The following ANKRD11 variants were observed in gnomAD, a reference collection of about 807,000 sequenced individuals.
ANKRD11 encodes ankyrin repeat domain 11.
ANKRD11 carries 17 observed loss-of-function variants against 195.7 expected under a neutral mutation model. The ratio of observed to expected loss-of-function variants is 0.09; its 90% CI spans 0.06 to 0.13. ANKRD11 has a LOEUF of 0.13. ANKRD11 is among the 10% of genes least tolerant of loss of function. The probability of loss-of-function intolerance (pLI) is 1.00; values close to 1 mark genes in which losing one functional copy is unlikely to be tolerated. For synonymous variants in ANKRD11, 1,953 were observed against 1,528.1 expected, an observed-to-expected ratio of 1.28 and a Z score of -6.49; for missense variants, 3,735 against 3,566.1, an observed-to-expected ratio of 1.05 and a Z score of -1.21.
intron 4 of ANKRD11, among the ~76,000 whole-genome samples, chr16:89,298,518 G>A (rs1250518851): frequency 6.6e-6 from 1 of 152,228 alleles, no homozygotes; most frequent in African/African-American, 2.4e-5. Flanking sequence ...CATGGAGCCA[G>A]GAGGTAGCAG....
chr16:89,409,225 T>C (rs1181279039), intron 2 of ANKRD11, among the ~76,000 whole-genome samples: 1 of 152,132 alleles, frequency 6.6e-6, no homozygotes, highest in Non-Finnish European at 1.5e-5. Context: ...CCCTCAGCAA[T>C]TCCACCCGCC....
intron 11 of ANKRD11, among the ~76,000 whole-genome samples, chr16:89,273,630 G>A (rs920029077): frequency 1.3e-5 from 2 of 152,090 alleles, no homozygotes; most frequent in African/African-American, 4.8e-5. Context: ...CCGGAAGCCA[G>A]AGGTTGCAGT....
intron 1 of ANKRD11, among the ~76,000 whole-genome samples, chr16:89,444,289 C>A (rs1038007436): frequency 1.3e-5 from 2 of 152,096 alleles, no homozygotes; most frequent in Admixed American, 1.3e-4. Context: ...AATGCTCCTG[C>A]CCAAAGCCCA....
chr16:89,307,690 A>G (rs2036371802), intron 3 of ANKRD11, among the ~76,000 whole-genome samples: 1 of 152,232 alleles, frequency 6.6e-6, no homozygotes, highest in Admixed American at 6.5e-5. Context: ...CTGCAGCTCC[A>G]CTGAGCTTTT....
intron 4 of ANKRD11, among the ~76,000 whole-genome samples, chr16:89,304,355 T>C (rs3096312): frequency 0.71 from 105,638 of 149,790 alleles, 37,643 homozygotes; most frequent in Middle Eastern, 0.76. Context: ...CACGGGCGCA[T>C]ACACAGGCAT....
chr16:89,289,026 A>G (rs935733574), intron 6 of ANKRD11: 6 of 348,744 alleles, frequency 1.7e-5, no homozygotes, highest in South Asian at 1.6e-4. Flanking sequence ...TTTGCAAAAC[A>G]CGGAGGGGAA....
In ANKRD11 at chr16:89,443,603, G is replaced by C. The variant is rs139290513; in HGVS notation, c.-144-25235C>G. 1.4e-4 allele frequency among the ~76,000 whole-genome samples: 21 copies of C among 152,076 alleles called. 1 individual carries two copies. Among genetic ancestry groups the C allele is most frequent in the Admixed American group, 1.2e-3 (19 of 15,272 alleles). ...CACATACCTACTAGCTGCCTGCCAC[G>C]CATGGAAAATTCTTTAGGCAATACC... is the stretch of plus-strand genomic sequence containing the variant. On this transcript the variant is annotated intron_variant, in intron 1 of 12. Coordinates refer to ENST00000301030, the MANE Select transcript of ANKRD11 (RefSeq NM_013275.6).
intron 9 of ANKRD11, chr16:89,278,786 C>A: frequency 1.6e-6 from 1 of 615,498 alleles, no homozygotes; most frequent in South Asian, 1.5e-5. Context: ...GAAGGGGGAG[C>A]CCCACACGAG....
intron 2 of ANKRD11, among the ~76,000 whole-genome samples, chr16:89,350,451 C>A (rs2039156020): frequency 6.6e-6 from 1 of 152,186 alleles, no homozygotes; most frequent in African/African-American, 2.4e-5. Context: ...GAACATGCGA[C>A]ATATCTACCC....
chr16:89,485,703 T>C (rs1003602946), intron 1 of ANKRD11, among the ~76,000 whole-genome samples: 1 of 152,150 alleles, frequency 6.6e-6, no homozygotes, highest in African/African-American at 2.4e-5. Context: ...CAAAGAAACT[T>C]TGAAAACCTA....
At position 89,299,787 on chromosome 16, in the gene ANKRD11, G is replaced by C. The variant is rs1286399502; in HGVS notation, c.226+5419C>G. ...GCCCTGTGTGGGGTGCGTGGGGTCT[G>C]TGCCCTGTGTGGGGTACCTGCCCTG... On this transcript the variant is annotated intron_variant, in intron 4 of 12. Transcript: ENST00000301030. The C allele has an allele frequency of 1.1e-4, 21 of 187,740 alleles. No individual in the cohort carries two copies. In the Admixed American group the frequency reaches 1.1e-3, roughly 10 times the overall value. 11.6% of individuals were successfully genotyped at this position (187,740 alleles called of 1,614,324 possible).
At chr16:89,444,273 G>C (rs1171331719) in intron 1 of ANKRD11, among the ~76,000 whole-genome samples, 1 of 152,058 alleles carries the variant, frequency 6.6e-6, no homozygotes. Flanking sequence ...CTGTCTCCAT[G>C]AGATAAATGC....
At chr16:89,363,261 G>C (rs1188862284) in intron 2 of ANKRD11, among the ~76,000 whole-genome samples, 1 of 152,074 alleles carries the variant, frequency 6.6e-6, no homozygotes, top group African/African-American at 2.4e-5. Context: ...TCTGCCTTCT[G>C]AAGCAGTCTC....
intron 2 of ANKRD11, among the ~76,000 whole-genome samples, chr16:89,379,275 G>A (rs952311362): frequency 2.0e-5 from 3 of 152,194 alleles, no homozygotes; most frequent in Admixed American, 6.5e-5. Flanking sequence ...AAAACTTAGG[G>A]CTTTCTCACA....
rs145456562 is a variant in ANKRD11, at chr16:89,455,403, A to C, written c.-145+34842T>G. Among the ~76,000 whole-genome samples, 36 of 152,264 alleles carry C rather than the reference A, an allele frequency of 2.4e-4. No individual in the cohort carries two copies. The East Asian group carries it at 6.8e-3, about 29-fold the overall frequency. On this transcript the variant is annotated intron_variant, in intron 1 of 12. Coordinates refer to ENST00000301030, the MANE Select transcript of ANKRD11 (RefSeq NM_013275.6). ...GCTGTGGCAGCAGTGCAGAGCCCAC[A>C]TAGCTATATAAGCTACTCAGTAAGA...
intron 1 of ANKRD11, among the ~76,000 whole-genome samples, chr16:89,480,597 C>T (rs2057413775): frequency 6.6e-6 from 1 of 152,098 alleles, no homozygotes; most frequent in Non-Finnish European, 1.5e-5. Flanking sequence ...CCAAGATGAG[C>T]CTAACCATGT....
At chr16:89,290,591 G>GCT in intron 6 of ANKRD11, 34 bp downstream of exon 6, 1 of 1,606,962 alleles carries the variant, frequency 6.2e-7, no homozygotes, top group Non-Finnish European at 8.5e-7. Flanking sequence ...CTCCAGTGGG[G>GCT]CTCTCTGGCC....
intron 1 of ANKRD11, among the ~76,000 whole-genome samples, chr16:89,462,029 CCTCCCCCTCTCCCT>C (rs1008531490): frequency 4.7e-5 from 7 of 148,320 alleles, no homozygotes; most frequent in South Asian, 4.3e-4. Context: ...GCTCCCTCTC[CCTCCCCCTCTCCCT>C]CTCCCCCTCT....
intron 4 of ANKRD11, among the ~76,000 whole-genome samples, chr16:89,296,242 A>G (rs2035428793): frequency 6.6e-6 from 1 of 151,822 alleles, no homozygotes; most frequent in African/African-American, 2.4e-5. Context: ...CTTATAATTC[A>G]TTATACTTTT....
Sources: gnomAD v4.1 joint callset for allele counts (sites outside exome capture counted in the v4.1 genomes callset) on GRCh38, gnomAD v4.1.1 for gene constraint, MANE v1.5 for transcripts, NCBI Gene and HGNC (gene_info 2026-07-23, HGNC 2026-07-21) for gene names.